AIFM2: variants seen among roughly 807,000 people sequenced by gnomAD.
AIFM2 encodes ferroptosis suppressor protein 1.
Under a neutral mutation model 35.7 loss-of-function variants are expected in AIFM2, and 38 were observed. That is an observed-to-expected ratio of 1.06 (90% CI 0.82 to 1.39). The LOEUF is 1.39. AIFM2 is among the 40% of genes most tolerant of loss of function. The probability of loss-of-function intolerance (pLI) is 0.00; values close to 1 mark genes in which losing one functional copy is unlikely to be tolerated. For synonymous variants in AIFM2, 185 were observed against 203.5 expected, an observed-to-expected ratio of 0.91 and a Z score of 0.77; for missense variants, 476 against 491.2, an observed-to-expected ratio of 0.97 and a Z score of 0.29.
intron 1 of AIFM2, among the ~76,000 whole-genome samples, chr10:70,125,142 G>A (rs1180840767): frequency 1.3e-5 from 2 of 152,130 alleles, no homozygotes; most frequent in Admixed American, 6.5e-5. Context: ...CCAGAACCAT[G>A]AGCCAATACA....
chr10:70,123,336 T>G, intron 3 of AIFM2, 69 bp downstream of exon 3: 1 of 1,394,804 alleles, frequency 7.2e-7, no homozygotes, highest in Non-Finnish European at 1.0e-6. Context: ...CTCTTGACCC[T>G]GGAGGATCCC....
At chr10:70,125,436 A>C (rs1258651392) in intron 1 of AIFM2, among the ~76,000 whole-genome samples, 1 of 56,772 alleles carries the variant, frequency 1.8e-5, no homozygotes, top group Non-Finnish European at 3.1e-5. Flanking sequence ...CTCTGTCTCT[A>C]CAAAAAAAAA....
At chr10:70,120,119 G>A (rs1368898905) in intron 5 of AIFM2, among the ~76,000 whole-genome samples, 6 of 152,220 alleles carry the variant, frequency 3.9e-5, no homozygotes, top group Non-Finnish European at 7.3e-5. Flanking sequence ...TTGCCAGCAA[G>A]AGGTAATCAA....
chr10:70,122,418 G>C (rs1300014475), intron 3 of AIFM2, among the ~76,000 whole-genome samples: 5 of 152,238 alleles, frequency 3.3e-5, no homozygotes, highest in African/African-American at 1.2e-4. Context: ...GAAAGGAATT[G>C]TGTTTCCTTT....
rs41277978 is a variant in AIFM2, at chr10:70,124,080, C to A, written c.5G>T (p.Gly2Val). Reference protein sequence around the residue: MGSQVSVESGAL... With the variant: MVSQVSVESGAL... ...TCCCGATTCCACCGAGACCTGGGAC[C>A]CCATCTCAAATCAGGCACTGCTGGG... Residue 2 changes from glycine (G) to valine (V), a missense_variant, in exon 2 of 9, where the codon GGG (glycine) becomes GTG (valine). Coordinates refer to ENST00000307864, the MANE Select transcript of AIFM2 (RefSeq NM_032797.6). 6.0e-3 allele frequency: 9,200 copies of A among 1,523,382 alleles called. 46 individuals are homozygous for A. Among genetic ancestry groups the A allele is most frequent in the Non-Finnish European group, 7.1e-3 (8,012 of 1,129,846 alleles). The allele number at this position is 1,523,382 out of a possible 1,614,324, so 94.4% of individuals were successfully genotyped here.
At chr10:70,120,472 C>A in intron 5 of AIFM2, 35 bp downstream of exon 5, 5 of 1,610,234 alleles carry the variant, frequency 3.1e-6, no homozygotes, top group Non-Finnish European at 4.3e-6. Context: ...AAAAGCCAAC[C>A]ACTTAGAGCT....
chr10:70,124,005 G>A lies in AIFM2; in HGVS notation c.80C>T (p.Ala27Val). The A allele has an allele frequency of 1.9e-6, 3 of 1,612,770 alleles. No homozygotes were observed. Among genetic ancestry groups the A allele is most frequent in the Non-Finnish European group, 2.5e-6 (3 of 1,179,326 alleles). ...VGGGFGGIAA[A>V]SQLQALNVPF... ...GACGTTCAGGGCCTGCAGCTGGCTG[G>A]CTGCTGCGATCCCGCCAAAGCCCCC... is the stretch of plus-strand genomic sequence containing the variant. Residue 27 changes from alanine to valine, a missense_variant, in exon 2 of 9, where the codon GCC (alanine) becomes GTC (valine). By Grantham distance (64) the Ala-to-Val change is moderately conservative (BLOSUM62 0). Transcript: ENST00000307864.
intron 5 of AIFM2, chr10:70,118,387 C>A (rs1212961669): frequency 6.5e-6 from 1 of 153,466 alleles, no homozygotes; most frequent in African/African-American, 2.4e-5. Flanking sequence ...ATGTTCAAAG[C>A]CTGGGCTTTG....
At position 70,125,437 on chromosome 10, in the gene AIFM2, C is replaced by CAAAAAAAAAAAA. The variant is rs199638586; in HGVS notation, c.-13-1352_-13-1341dup. On this transcript the variant is annotated intron_variant, in intron 1 of 8. Coordinates refer to ENST00000307864, the MANE Select transcript of AIFM2 (RefSeq NM_032797.6). ...GTAACATAGAGAGACTCTGTCTCTA[C>CAAAAAAAAAAAA]AAAAAAAAAAAAAAAAAAAAAAAAA... Among the ~76,000 whole-genome samples the CAAAAAAAAAAAA allele has an allele frequency of 2.1e-4, 14 of 67,958 alleles. 1 individual carries two copies. The highest frequency in any genetic ancestry group is 3.7e-4 in the Non-Finnish European group (14 of 38,182). The allele number at this position is 67,958 out of a possible 152,430, so 44.6% of individuals were successfully genotyped here.
chr10:70,124,404 T>A (rs1445355246), intron 1 of AIFM2, among the ~76,000 whole-genome samples: 1 of 152,200 alleles, frequency 6.6e-6, no homozygotes, highest in East Asian at 1.9e-4. Flanking sequence ...TTTGCACCCA[T>A]TAAACAAAGT....
At chr10:70,123,365 G>A (rs1194509166) in intron 3 of AIFM2, 40 bp downstream of exon 3, 5 of 1,567,148 alleles carry the variant, frequency 3.2e-6, no homozygotes, top group Non-Finnish European at 3.5e-6. Flanking sequence ...CCTGCAGAGG[G>A]CCCTTGAGCC....
intron 3 of AIFM2, 42 bp from the exon 4 acceptor site, chr10:70,121,253 GA>G: frequency 1.1e-6 from 1 of 883,902 alleles, no homozygotes; most frequent in Non-Finnish European, 1.6e-6. Context: ...AAAAAAAAAA[GA>G]TGAGGGTAGG....
chr10:70,120,726 G>A, intron 4 of AIFM2, 127 bp from the exon 5 acceptor site: 1 of 1,017,150 alleles, frequency 9.8e-7, no homozygotes, highest in Non-Finnish European at 1.5e-6. Flanking sequence ...TCCACATTTT[G>A]AGTCCAAACG....
At position 70,117,973 on chromosome 10, in the gene AIFM2, A is replaced by G. The variant is rs1244484641; in HGVS notation, c.508-53T>C. ...AGAAGGAGCCCCCAAGTCTTCAAAC[A>G]CAATCATTGCACGAACGTCCACCTC... On this transcript the variant is annotated intron_variant, in intron 5 of 8. Coordinates refer to ENST00000307864, the MANE Select transcript of AIFM2 (RefSeq NM_032797.6). The surrounding 1 kb of genome is among the most constrained non-coding windows in gnomAD (Gnocchi z 4.7). 2 of 1,328,788 alleles carry G rather than the reference A, an allele frequency of 1.5e-6. No homozygotes were observed. Among genetic ancestry groups the G allele is most frequent in the Non-Finnish European group, 1.1e-6 (1 of 931,490 alleles). 82.3% of individuals were successfully genotyped at this position (1,328,788 alleles called of 1,614,324 possible). A position where few individuals can be genotyped will look rare whatever the true frequency, so the allele number is the denominator to read the frequency against.
intron 1 of AIFM2, among the ~76,000 whole-genome samples, chr10:70,128,210 C>T (rs549642318): frequency 3.9e-5 from 6 of 152,354 alleles, no homozygotes; most frequent in African/African-American, 1.2e-4. Flanking sequence ...TATGTTCTAA[C>T]ATAGCAGTAG....
Position 70,121,223 on chromosome 10 carries a change from C to CAAAA in AIFM2, c.295-16_295-13dup, listed in dbSNP as rs35599207. On this transcript the variant is annotated splice_polypyrimidine_tract_variant and intron_variant, in intron 3 of 8. Coordinates refer to ENST00000307864, the MANE Select transcript of AIFM2 (RefSeq NM_032797.6). ...GAGAAGGGCAGGGCCTGAGAGAAACCAAAAAAAAAAAAAAAAAAAAAAAAA... is the reference window on the plus strand; with the variant it reads ...GAGAAGGGCAGGGCCTGAGAGAAACCAAAAAAAAAAAAAAAAAAAAAAAAAAAAA... The CAAAA allele has an allele frequency of 4.3e-4, 288 of 665,028 alleles. 1 individual carries two copies. The highest frequency in any genetic ancestry group is 1.4e-3 in the Middle Eastern group (2 of 1,450). 41.2% of individuals were successfully genotyped at this position (665,028 alleles called of 1,614,324 possible). A position where few individuals can be genotyped will look rare whatever the true frequency, so the allele number is the denominator to read the frequency against.
At position 70,114,131 on chromosome 10, in the gene AIFM2, G is replaced by A; in HGVS notation, c.*47C>T. 2 of 1,582,762 alleles carry A rather than the reference G, an allele frequency of 1.3e-6. No individual in the cohort carries two copies. The highest frequency in any genetic ancestry group is 1.7e-6 in the Non-Finnish European group (2 of 1,165,898). On this transcript the variant is annotated 3_prime_UTR_variant, in exon 9 of 9. Coordinates refer to ENST00000307864, the MANE Select transcript of AIFM2 (RefSeq NM_032797.6). The stretch of plus-strand genomic sequence containing the variant: ...CCAGGCGGGTGCCATGCGCCAAGCA[G>A]TCCGTACGCCCACCTGCTGCGGTAG...
intron 4 of AIFM2, 33 bp downstream of exon 4, chr10:70,121,059 C>T (rs1446202888): frequency 3.1e-6 from 5 of 1,599,796 alleles, no homozygotes; most frequent in Non-Finnish European, 4.3e-6. Flanking sequence ...TCCATCTGCC[C>T]ACACTGCCCC....
intron 1 of AIFM2, among the ~76,000 whole-genome samples, chr10:70,132,486 C>T (rs1206047690): frequency 6.6e-6 from 1 of 152,226 alleles, no homozygotes; most frequent in African/African-American, 2.4e-5. Context: ...GGGGCCAAAC[C>T]AGGAGGGTGG....
Sources: gnomAD v4.1 joint callset for allele counts (sites outside exome capture counted in the v4.1 genomes callset) on GRCh38, gnomAD v4.1.1 for gene constraint, Gnocchi (gnomAD v3.1) non-coding constraint, MANE v1.5 for transcripts, NCBI Gene and HGNC (gene_info 2026-07-23, HGNC 2026-07-21) for gene names.